FN3KRP: variants seen among roughly 807,000 people sequenced by gnomAD.
FN3KRP encodes the protein ketosamine-3-kinase.
A neutral mutation model predicts 29.8 loss-of-function variants in FN3KRP; 33 were observed. That is an observed-to-expected ratio of 1.11 (90% CI 0.84 to 1.48). The LOEUF (loss-of-function observed/expected upper bound fraction) is 1.48, where lower values mean the gene tolerates loss of function less well. Among genes scored for constraint, FN3KRP ranks in the 40% most tolerant of loss-of-function variants. The probability of loss-of-function intolerance (pLI) is 0.00; values close to 1 mark genes in which losing one functional copy is unlikely to be tolerated. For missense variants in FN3KRP, 430 were observed against 402.6 expected, an observed-to-expected ratio of 1.07 and a Z score of -0.58; for synonymous variants, 157 against 155.2, an observed-to-expected ratio of 1.01 and a Z score of -0.09.
At chr17:82,720,491 T>G (rs910301578) in intron 3 of FN3KRP, 128 bp downstream of exon 3, 3 of 650,902 alleles carry the variant, frequency 4.6e-6, no homozygotes, top group Non-Finnish European at 5.2e-6. Context: ...AGCAAGGGAA[T>G]GTCGGCCTTG....
rs922064974 is a variant in FN3KRP, at chr17:82,718,796, G to A, written c.142-110G>A. On this transcript the variant is annotated intron_variant, in intron 1 of 5. Transcript: ENST00000269373. Reference sequence around the variant, plus strand: ...TCCATGTGTATGGAATCCTCAGTCAGGATAGTCTTGGTTTGAAGTTGTAAT... The same window carrying A: ...TCCATGTGTATGGAATCCTCAGTCAAGATAGTCTTGGTTTGAAGTTGTAAT... 24 of 1,359,058 alleles carry A rather than the reference G, an allele frequency of 1.8e-5. No homozygotes were observed. The African/African-American group carries it at 3.2e-4, about 18-fold the overall frequency. The allele number at this position is 1,359,058 out of a possible 1,614,324, so 84.2% of individuals were successfully genotyped here.
chr17:82,718,879 C>T (rs2046777905), intron 1 of FN3KRP, 27 bp from the exon 2 acceptor site: 2 of 1,606,508 alleles, frequency 1.2e-6, no homozygotes, highest in Admixed American at 1.7e-5. Flanking sequence ...CCCTGTATTT[C>T]CACTTCCTCT....
At chr17:82,723,627 ATGTG>A (rs200110010) in intron 4 of FN3KRP, among the ~76,000 whole-genome samples, 1 of 151,778 alleles carries the variant, frequency 6.6e-6, no homozygotes, top group Non-Finnish European at 1.5e-5. Context: ...GCATATGTGT[ATGTG>A]TGCACACGTG....
intron 4 of FN3KRP, among the ~76,000 whole-genome samples, chr17:82,724,158 G>C (rs2046820967): frequency 6.6e-6 from 1 of 151,766 alleles, no homozygotes; most frequent in Non-Finnish European, 1.5e-5. Context: ...GCAGGGTGTG[G>C]TGGTGCGTGC....
chr17:82,720,598 A>G (rs2046792033), intron 3 of FN3KRP, among the ~76,000 whole-genome samples: 1 of 152,230 alleles, frequency 6.6e-6, no homozygotes, highest in Admixed American at 6.5e-5. Flanking sequence ...GACACAAGAC[A>G]CCCCTAGTGT....
rs150779405 is a variant in FN3KRP, at chr17:82,718,757, GT to G, written c.142-146del. 11,266 of 1,222,526 alleles carry G rather than the reference GT, an allele frequency of 9.2e-3. 76 individuals carry two copies. The highest frequency in any genetic ancestry group is 0.012 in the Non-Finnish European group (10,168 of 870,036). 75.7% of individuals were successfully genotyped at this position (1,222,526 alleles called of 1,614,324 possible). ...TGTAGCCTACCCTGTTGGCAAGTGT[GT>G]TTGAAAACACTGTCCATGTGTATGG... is the stretch of plus-strand genomic sequence containing the variant. On this transcript the variant is annotated intron_variant, in intron 1 of 5. Transcript: ENST00000269373.
At chr17:82,721,182 G>A (rs902367541) in intron 3 of FN3KRP, among the ~76,000 whole-genome samples, 4 of 152,090 alleles carry the variant, frequency 2.6e-5, no homozygotes, top group Non-Finnish European at 5.9e-5. Context: ...CTGCCTCCTG[G>A]GTTCAAGCGA....
intron 1 of FN3KRP, chr17:82,718,465 C>T (rs1598332090): frequency 2.0e-6 from 2 of 988,928 alleles, no homozygotes; most frequent in Non-Finnish European, 2.4e-6. Flanking sequence ...CCCCAGGTCA[C>T]TGGCATAGGC....
chr17:82,716,924 G>C, intron 1 of FN3KRP, 28 bp downstream of exon 1: 2 of 1,559,780 alleles, frequency 1.3e-6, no homozygotes, highest in Non-Finnish European at 1.7e-6. Flanking sequence ...GCGGGCCGGG[G>C]GACCGGTTTC....
At chr17:82,719,741 C>G (rs1216926731) in intron 2 of FN3KRP, among the ~76,000 whole-genome samples, 2 of 151,706 alleles carry the variant, frequency 1.3e-5, no homozygotes, top group Non-Finnish European at 2.9e-5. Flanking sequence ...GGCAGTAGAG[C>G]GAGACTCAGT....
intron 4 of FN3KRP, among the ~76,000 whole-genome samples, chr17:82,725,754 C>CAGACACA (rs2046832334): frequency 6.6e-6 from 1 of 152,206 alleles, no homozygotes; most frequent in African/African-American, 2.4e-5. Context: ...CAAAATGGCA[C>CAGACACA]AGACACAAGG....
At chr17:82,720,181 T>G (rs2046788520) in intron 2 of FN3KRP, 91 bp from the exon 3 acceptor site, 2 of 1,016,408 alleles carry the variant, frequency 2.0e-6, no homozygotes, top group Admixed American at 4.4e-5. Context: ...AATAAAAAAG[T>G]TTGACCCTCT....
chr17:82,726,955 C>G lies in FN3KRP; in HGVS notation c.714C>G (p.Phe238Leu). ...CGGTGATTTTTGACCCAGCTTCTTT[C>G]TACGGCCACTCGGAATATGAGCTGG... The part of the protein sequence containing the change: ...SGPVIFDPAS[F>L]YGHSEYELAI... The change falls in exon 6 of 6, where the codon TTC becomes TTG. Residue 238 changes from phenylalanine to leucine, a missense_variant. Physicochemically the swap from Phe to Leu is conservative, Grantham distance 22. Coordinates refer to ENST00000269373, the MANE Select transcript of FN3KRP (RefSeq NM_024619.4). The G allele has an allele frequency of 6.2e-7, 1 of 1,613,874 alleles. No individual in the cohort carries two copies. The highest frequency in any genetic ancestry group is 8.5e-7 in the Non-Finnish European group (1 of 1,179,902).
chr17:82,723,597 GTGTATGTGCACGCATGTGTGCATA>G (rs2046815340), intron 4 of FN3KRP, among the ~76,000 whole-genome samples: 1 of 151,874 alleles, frequency 6.6e-6, no homozygotes, highest in Non-Finnish European at 1.5e-5. Context: ...ATGTGTGCAT[GTGTATGTGCACGCATGTGTGCATA>G]TGTGTATGTG....
chr17:82,717,210 C>T (rs1299090179), intron 1 of FN3KRP, among the ~76,000 whole-genome samples: 2 of 152,186 alleles, frequency 1.3e-5, no homozygotes, highest in African/African-American at 4.8e-5. Context: ...GCGGGACTGG[C>T]TGCTGCAGTC....
intron 3 of FN3KRP, among the ~76,000 whole-genome samples, chr17:82,721,773 A>G (rs529842163): frequency 2.5e-4 from 38 of 152,152 alleles, no homozygotes; most frequent in African/African-American, 8.2e-4. Flanking sequence ...AAGTGCTGGG[A>G]TTACAGGCAT....
In FN3KRP at chr17:82,726,544, A is replaced by G. The variant is rs2046838594; in HGVS notation, c.533A>G (p.Asp178Gly). Residue 178 changes from aspartate (D) to glycine (G), a missense_variant, in exon 5 of 6, where the codon GAC becomes GGC. Transcript: ENST00000269373. ...YARQRIQPQM[D>G]MVEKESGDRE... ...CGGCAGCGCATTCAGCCCCAGATGGACATGGTGGAGAAGGAGTCTGGGGAC... is the reference window on the plus strand; with the variant it reads ...CGGCAGCGCATTCAGCCCCAGATGGGCATGGTGGAGAAGGAGTCTGGGGAC... 1 of 1,613,982 alleles carries G rather than the reference A, an allele frequency of 6.2e-7. No homozygotes were observed. The highest frequency in any genetic ancestry group is 8.5e-7 in the Non-Finnish European group (1 of 1,179,996).
chr17:82,723,876 C>T (rs2046819009), intron 4 of FN3KRP, among the ~76,000 whole-genome samples: 2 of 151,872 alleles, frequency 1.3e-5, no homozygotes, highest in Non-Finnish European at 2.9e-5. Flanking sequence ...GCTGTCTGGA[C>T]AGATGTCAGA....
intron 4 of FN3KRP, among the ~76,000 whole-genome samples, chr17:82,725,559 C>G (rs372428350): frequency 6.6e-6 from 1 of 152,076 alleles, no homozygotes; most frequent in Non-Finnish European, 1.5e-5. Context: ...AATCAGTTCT[C>G]CTGCCTCAGC....
Sources: allele counts gnomAD v4.1 joint callset (sites outside exome capture counted in the v4.1 genomes callset), GRCh38; gene constraint gnomAD v4.1.1; transcripts MANE v1.5; gene names NCBI Gene and HGNC (gene_info 2026-07-23, HGNC 2026-07-21).